Variants in DYRK1A observed in about 807,000 individuals in gnomAD.
The protein encoded by DYRK1A is dual specificity tyrosine-phosphorylation-regulated kinase 1A.
DYRK1A carries 9 observed loss-of-function variants against 79.7 expected under a neutral mutation model. The observed-to-expected ratio is 0.11, with a 90% confidence interval of 0.07 to 0.20. The LOEUF (loss-of-function observed/expected upper bound fraction) is 0.20. Among genes scored for constraint, DYRK1A ranks in the 10% least tolerant of loss-of-function variants. The probability of loss-of-function intolerance (pLI) is 1.00; values close to 1 mark genes in which losing one functional copy is unlikely to be tolerated. For missense variants in DYRK1A, 622 were observed against 956.0 expected (o/e 0.65, Z 4.61); for synonymous variants, 349 against 329.7 (o/e 1.06, Z -0.63).
At chr21:37,386,491 C>T (rs2049763321) in intron 1 of DYRK1A, among the ~76,000 whole-genome samples, 1 of 152,210 alleles carries the variant, frequency 6.6e-6, no homozygotes, top group Non-Finnish European at 1.5e-5. Context: ...ACATCTAAAA[C>T]ATCTGTGGTG....
chr21:37,408,113 TC>T (rs2148410338), intron 1 of DYRK1A, among the ~76,000 whole-genome samples: 1 of 152,348 alleles, frequency 6.6e-6, no homozygotes, highest in African/African-American at 2.4e-5. Flanking sequence ...TTAACCCTTT[TC>T]CCTTTCCCAG....
chr21:37,449,989 G>A (rs186350950), intron 2 of DYRK1A, among the ~76,000 whole-genome samples: 172 of 152,296 alleles, frequency 1.1e-3, no homozygotes, highest in Non-Finnish European at 1.7e-3. Flanking sequence ...TGGCAGCAGA[G>A]GACACAGCCA....
intron 1 of DYRK1A, among the ~76,000 whole-genome samples, chr21:37,382,370 CAGTT>C (rs2049675064): frequency 6.6e-6 from 1 of 152,084 alleles, no homozygotes; most frequent in Non-Finnish European, 1.5e-5. Flanking sequence ...TTGAAGCTTT[CAGTT>C]AGTCAGAACT....
chr21:37,459,307 C>G (rs73903986), intron 2 of DYRK1A, among the ~76,000 whole-genome samples: 9,736 of 152,218 alleles, frequency 0.064, 1,040 homozygotes, highest in African/African-American at 0.22. Context: ...CTTGTGAAAT[C>G]TTTATGTATT....
chr21:37,417,581 T>TA (rs1182361450), intron 1 of DYRK1A, among the ~76,000 whole-genome samples: 2 of 147,200 alleles, frequency 1.4e-5, no homozygotes, highest in Non-Finnish European at 3.0e-5. Context: ...CAGTGCTTTT[T>TA]ATTAGGTGAC....
intron 11 of DYRK1A, among the ~76,000 whole-genome samples, chr21:37,508,964 C>T (rs1462526417): frequency 6.6e-6 from 1 of 152,178 alleles, no homozygotes. Flanking sequence ...CAAACACATA[C>T]AAGAGTAGCA....
intron 5 of DYRK1A, among the ~76,000 whole-genome samples, chr21:37,483,699 C>T (rs139182519): frequency 1.3e-5 from 2 of 152,294 alleles, no homozygotes; most frequent in Non-Finnish European, 2.9e-5. Context: ...CCTCCCACTT[C>T]AGCCTCTAGA....
intron 2 of DYRK1A, among the ~76,000 whole-genome samples, chr21:37,436,305 T>C (rs928494810): frequency 1.3e-5 from 2 of 152,182 alleles, no homozygotes; most frequent in African/African-American, 4.8e-5. Flanking sequence ...GTAATGTTTC[T>C]GGTATTCAGT....
intron 8 of DYRK1A, among the ~76,000 whole-genome samples, chr21:37,493,933 CTTTTTTT>C (rs35158368): frequency 0.016 from 1,833 of 114,220 alleles, 28 homozygotes; most frequent in African/African-American, 0.046. Context: ...TTTAATTCTT[CTTTTTTT>C]TTTTTTTTTT....
rs534105557 is a variant in DYRK1A at position 37,524,247 on chromosome 21, G to A, written c.*11716G>A. The A allele has an allele frequency of 6.6e-6, 1 of 150,930 alleles. No homozygotes were observed. The highest frequency in any genetic ancestry group is 1.9e-4 in the East Asian group (1 of 5,170). 9.3% of individuals were successfully genotyped at this position (150,930 alleles called of 1,614,324 possible). A position where few individuals can be genotyped will look rare whatever the true frequency, so the allele number is the denominator to read the frequency against. ...TTTGGAGACCAGCTTGGGTGGTATAGTGAGACCCCCCATCTCCACAAAAAG... is the reference window on the plus strand; with the variant it reads ...TTTGGAGACCAGCTTGGGTGGTATAATGAGACCCCCCATCTCCACAAAAAG... On this transcript the variant is annotated 3_prime_UTR_variant, in exon 12 of 12. Transcript: ENST00000647188.
intron 1 of DYRK1A, among the ~76,000 whole-genome samples, chr21:37,403,145 T>C (rs1363149773): frequency 6.6e-6 from 1 of 152,178 alleles, no homozygotes; most frequent in Non-Finnish European, 1.5e-5. Context: ...CTGTTTAATT[T>C]CATCTAGTAA....
intron 2 of DYRK1A, among the ~76,000 whole-genome samples, chr21:37,448,435 A>C (rs2051339792): frequency 6.6e-6 from 1 of 152,144 alleles, no homozygotes; most frequent in Non-Finnish European, 1.5e-5. Flanking sequence ...GCAAGTCCAA[A>C]ACTCTAGAGG....
chr21:37,379,815 G>A (rs2049620104), intron 1 of DYRK1A, among the ~76,000 whole-genome samples: 1 of 152,126 alleles, frequency 6.6e-6, no homozygotes, highest in African/African-American at 2.4e-5. Flanking sequence ...TGGAAGACTG[G>A]TTATTTAAAA....
chr21:37,427,819 A>C (rs1414765841), intron 2 of DYRK1A, among the ~76,000 whole-genome samples: 1 of 151,932 alleles, frequency 6.6e-6, no homozygotes, highest in African/African-American at 2.4e-5. Context: ...ACATAACTCA[A>C]TATTTACATT....
At chr21:37,368,258 G>C (rs1334943432) in intron 1 of DYRK1A, 2 of 152,248 alleles carry the variant, frequency 1.3e-5, no homozygotes, top group Admixed American at 6.5e-5. Flanking sequence ...TGACCTGCCC[G>C]GCAGCCGGGG....
At position 37,518,045 on chromosome 21, in the gene DYRK1A, A is replaced by C. The variant is rs530724412; in HGVS notation, c.*5514A>C. On this transcript the variant is annotated 3_prime_UTR_variant, in exon 12 of 12. Coordinates refer to ENST00000647188, the MANE Select transcript of DYRK1A (RefSeq NM_001347721.2). ...GTAGCTGGGACTACCTGTGCACACC[A>C]CCATGCCTGGCTGTTTTTAATACGG... is the stretch of plus-strand genomic sequence containing the variant. 1.3e-5 allele frequency: 2 copies of C among 152,282 alleles called. No individual in the cohort carries two copies. Among genetic ancestry groups the C allele is most frequent in the African/African-American group, 4.8e-5 (2 of 41,528 alleles). The allele number at this position is 152,282 out of a possible 1,614,324, so 9.4% of individuals were successfully genotyped here.
At chr21:37,465,387 A>G (rs944822465) in intron 2 of DYRK1A, among the ~76,000 whole-genome samples, 4 of 152,088 alleles carry the variant, frequency 2.6e-5, no homozygotes, top group East Asian at 1.9e-4. Context: ...AAGTAAATCT[A>G]TTGGGGAAAA....
intron 5 of DYRK1A, among the ~76,000 whole-genome samples, chr21:37,482,263 C>G (rs911652663): frequency 2.6e-5 from 4 of 152,254 alleles, no homozygotes; most frequent in African/African-American, 9.6e-5. Flanking sequence ...GGGCAAAATT[C>G]ACCCCCAATA....
At chr21:37,464,106 A>G (rs1254461644) in intron 2 of DYRK1A, among the ~76,000 whole-genome samples, 1 of 152,188 alleles carries the variant, frequency 6.6e-6, no homozygotes, top group African/African-American at 2.4e-5. Context: ...TGTATCAGAG[A>G]TGATGGCTTC....
Sources: allele counts gnomAD v4.1 joint callset (sites outside exome capture counted in the v4.1 genomes callset), GRCh38; gene constraint gnomAD v4.1.1; transcripts MANE v1.5; gene names NCBI Gene and HGNC (gene_info 2026-07-23, HGNC 2026-07-21).